The following FLRT1 variants were observed in gnomAD, a reference collection of about 807,000 sequenced individuals.
FLRT1 encodes leucine-rich repeat transmembrane protein FLRT1.
A neutral mutation model predicts 30.9 loss-of-function variants in FLRT1; 14 were observed. The observed-to-expected ratio is 0.45, with a 90% CI of 0.30 to 0.71. The LOEUF is 0.71. FLRT1 is among the 30% of genes least tolerant of loss of function. The pLI is 0.08. For synonymous variants in FLRT1, 368 were observed against 430.4 expected, an observed-to-expected ratio of 0.85 and a Z score of 1.80; for missense variants, 737 against 949.2, an observed-to-expected ratio of 0.78 and a Z score of 2.94.
At position 64,104,007 on chromosome 11, in the gene FLRT1, G is replaced by A. The variant is rs1376615653; in HGVS notation, c.-224G>A. 1 of 152,334 alleles carries A rather than the reference G, an allele frequency of 6.6e-6. No individual in the cohort carries two copies. The highest frequency in any genetic ancestry group is 1.5e-5 in the Non-Finnish European group (1 of 68,036). 9.4% of individuals were successfully genotyped at this position (152,334 alleles called of 1,614,324 possible). On this transcript the variant is annotated 5_prime_UTR_variant, in exon 2 of 3. Coordinates refer to ENST00000682287, the MANE Select transcript of FLRT1 (RefSeq NM_013280.5). ...GCCCCAGTGCTGCCCAGTCACCCCA[G>A]GGCTGAGGTCTGCGTCCCTAGTGGT...
chr11:64,093,416 G>A (rs949770898), intron 1 of FLRT1, among the ~76,000 whole-genome samples: 7 of 152,230 alleles, frequency 4.6e-5, no homozygotes, highest in Admixed American at 1.3e-4. Flanking sequence ...AGTGAGCCGG[G>A]AAGCCAGGCC....
intron 1 of FLRT1, among the ~76,000 whole-genome samples, chr11:64,088,309 G>A (rs990812253): frequency 7.2e-5 from 11 of 152,294 alleles, no homozygotes; most frequent in South Asian, 2.1e-4. Flanking sequence ...CACTAGGCTC[G>A]GTGGCCAGGC....
At chr11:64,097,902 C>A (rs1261745693) in intron 1 of FLRT1, among the ~76,000 whole-genome samples, 1 of 152,136 alleles carries the variant, frequency 6.6e-6, no homozygotes, top group Non-Finnish European at 1.5e-5. Context: ...TGGTGGTGCT[C>A]CTGGGAGCAC....
chr11:64,089,295 G>A (rs944010880), intron 1 of FLRT1, among the ~76,000 whole-genome samples: 2 of 152,160 alleles, frequency 1.3e-5, no homozygotes, highest in South Asian at 2.1e-4. Context: ...CTGTGAGACC[G>A]GGGTAGGGCA....
rs1322160005 is a variant in FLRT1, at chr11:64,116,747, C to T, written c.480C>T (p.Asp160=). The change falls in exon 3 of 3, where the codon GAC becomes GAT. Residue 160 remains aspartate, a synonymous_variant. Transcript: ENST00000682287. ...TGCTGGAGAAGCTGCACCTGGATGA[C>T]AACTCCGTGTCCACCGTCAGCATTG... ...IPLLEKLHLD[D]NSVSTVSIEE... 1 of 1,613,678 alleles carries T rather than the reference C, an allele frequency of 6.2e-7. No homozygotes were observed. The highest frequency in any genetic ancestry group is 1.1e-5 in the South Asian group (1 of 91,092).
At chr11:64,080,222 A>G (rs1392573921) in intron 1 of FLRT1, among the ~76,000 whole-genome samples, 1 of 152,180 alleles carries the variant, frequency 6.6e-6, no homozygotes, top group Non-Finnish European at 1.5e-5. Context: ...CATGTTGGCC[A>G]GGCTGGTCTC....
At position 64,118,595 on chromosome 11, in the gene FLRT1, T is replaced by G. The variant is rs1376499077; in HGVS notation, c.*303T>G. 4.5e-5 allele frequency: 2 copies of G among 44,524 alleles called. No homozygotes were observed. Among genetic ancestry groups the G allele is most frequent in the Non-Finnish European group, 1.1e-4 (1 of 9,334 alleles). 2.8% of individuals were successfully genotyped at this position (44,524 alleles called of 1,614,324 possible). A position where few individuals can be genotyped will look rare whatever the true frequency, so the allele number is the denominator to read the frequency against. Reference sequence around the variant, plus strand: ...ATATTGCAGGCAGGGCTGGGTTGGGTTTTTTTTTTTTCCCCCCTGAACTGG... The same window carrying G: ...ATATTGCAGGCAGGGCTGGGTTGGGGTTTTTTTTTTTCCCCCCTGAACTGG... On this transcript the variant is annotated 3_prime_UTR_variant, in exon 3 of 3. Coordinates refer to ENST00000682287, the MANE Select transcript of FLRT1 (RefSeq NM_013280.5).
intron 1 of FLRT1, among the ~76,000 whole-genome samples, chr11:64,102,450 T>C (rs1944687337): frequency 6.6e-6 from 1 of 152,150 alleles, no homozygotes; most frequent in Non-Finnish European, 1.5e-5. Context: ...TGGTCCTGCT[T>C]CCCATGGTGG....
At chr11:64,103,025 T>C (rs2622412) in intron 1 of FLRT1, among the ~76,000 whole-genome samples, 169 bp from the exon 2 acceptor site, 146,309 of 151,602 alleles carry the variant, frequency 0.97, 70,820 homozygotes, top group Middle Eastern at 1. Flanking sequence ...GAGCCGAGAT[T>C]GTGCCACTGC....
At position 64,116,297 on chromosome 11, in the gene FLRT1, C is replaced by T; in HGVS notation, c.30C>T (p.Ala10=). Residue 10 remains alanine (A), a synonymous_variant, in exon 3 of 3, where the codon GCC becomes GCT. Transcript: ENST00000682287. ...TGGTGGCACACCCCACCGCCACTGC[C>T]ACCACCACGCCCACTGCCACTGTCA... MVVAHPTAT[A]TTTPTATVTA... is the part of the protein sequence containing the mutation. The T allele has an allele frequency of 3.1e-6, 5 of 1,604,826 alleles. No individual in the cohort carries two copies. Among genetic ancestry groups the T allele is most frequent in the South Asian group, 1.1e-5 (1 of 90,366 alleles).
intron 1 of FLRT1, 137 bp from the exon 2 acceptor site, chr11:64,103,057 G>A (rs1323109860): frequency 1.3e-5 from 2 of 151,096 alleles, no homozygotes; most frequent in Non-Finnish European, 2.9e-5. Flanking sequence ...GCGACAGAGC[G>A]AGACTCCATC....
chr11:64,073,626 TG>T (rs1433046916), intron 1 of FLRT1, among the ~76,000 whole-genome samples: 1 of 152,128 alleles, frequency 6.6e-6, no homozygotes, highest in Non-Finnish European at 1.5e-5. Flanking sequence ...GAGCCAGCGC[TG>T]GGGGTGCACA....
chr11:64,096,992 G>C lies in FLRT1; in HGVS notation c.-1037-6202G>C, dbSNP rs1045680010. On this transcript the variant is annotated intron_variant, in intron 1 of 2. Transcript: ENST00000682287. The surrounding 1 kb of genome is among the most constrained non-coding windows in gnomAD (Gnocchi z 4.6). The stretch of plus-strand genomic sequence containing the variant: ...GGGAGTTCCTGCCTACCCTTGCTGG[G>C]AGGAGATTGCAAAGGCACAAGAGCA... 6.6e-6 allele frequency among the ~76,000 whole-genome samples: 1 copy of C among 152,232 alleles called. No individual in the cohort carries two copies. Among genetic ancestry groups the C allele is most frequent in the Non-Finnish European group, 1.5e-5 (1 of 68,038 alleles).
Position 64,073,373 on chromosome 11 carries a change from G to C in FLRT1, c.-1037-29821G>C, listed in dbSNP as rs139614672. 3.8e-3 allele frequency among the ~76,000 whole-genome samples: 581 copies of C among 152,306 alleles called. 4 individuals carry two copies. Among genetic ancestry groups the C allele is most frequent in the African/African-American group, 0.013 (558 of 41,568 alleles). ...CTTTGCTCTGAGGCAGCCCAGACCA[G>C]ACTTGGGGGTCCCAGAGACCTGTCT... On this transcript the variant is annotated intron_variant, in intron 1 of 2. Coordinates refer to ENST00000682287, the MANE Select transcript of FLRT1 (RefSeq NM_013280.5).
At chr11:64,115,195 G>A (rs1439750256) in intron 2 of FLRT1, among the ~76,000 whole-genome samples, 4 of 152,152 alleles carry the variant, frequency 2.6e-5, no homozygotes, top group Non-Finnish European at 4.4e-5. Context: ...GAGACTGAAA[G>A]ATAATTTCTC....
chr11:64,049,290 GCCCAGGAT>G (rs1392580986), intron 1 of FLRT1, among the ~76,000 whole-genome samples: 1 of 152,150 alleles, frequency 6.6e-6, no homozygotes, highest in Non-Finnish European at 1.5e-5. Flanking sequence ...AAAGGGACTG[GCCCAGGAT>G]CCCCAAAGCC....
intron 1 of FLRT1, among the ~76,000 whole-genome samples, chr11:64,069,090 C>G (rs1263576244): frequency 6.6e-6 from 1 of 152,194 alleles, no homozygotes; most frequent in Non-Finnish European, 1.5e-5. Context: ...GGAGAAGGAG[C>G]CCTGGAGAAC....
At chr11:64,115,559 C>T (rs866927366) in intron 2 of FLRT1, among the ~76,000 whole-genome samples, 2 of 152,300 alleles carry the variant, frequency 1.3e-5, no homozygotes, top group Non-Finnish European at 2.9e-5. Flanking sequence ...GTAGAATGTA[C>T]GAGTGACAAC....
At chr11:64,069,242 G>A (rs1050393072) in intron 1 of FLRT1, among the ~76,000 whole-genome samples, 2 of 152,160 alleles carry the variant, frequency 1.3e-5, no homozygotes, top group African/African-American at 2.4e-5. Context: ...ACCTGGATCC[G>A]CAGTTCTACC....
Sources: allele counts gnomAD v4.1 joint callset (sites outside exome capture counted in the v4.1 genomes callset), GRCh38; gene constraint gnomAD v4.1.1; non-coding constraint Gnocchi (gnomAD v3.1); transcripts MANE v1.5; gene names NCBI Gene and HGNC (gene_info 2026-07-23, HGNC 2026-07-21).